The following CTNNA3 variants were observed in gnomAD, a reference collection of about 807,000 sequenced individuals.
CTNNA3 encodes catenin alpha 3.
A neutral mutation model predicts 95.7 loss-of-function variants in CTNNA3; 76 were observed. That is an observed-to-expected ratio of 0.79 (90% CI 0.66 to 0.96). CTNNA3 has a LOEUF of 0.96. Ranked by LOEUF, CTNNA3 falls within the 40% of genes least tolerant of loss-of-function variation. The probability of loss-of-function intolerance (pLI) is 0.00; values close to 1 mark genes in which losing one functional copy is unlikely to be tolerated. For synonymous variants in CTNNA3, 431 were observed against 374.4 expected (o/e 1.15, Z -1.74); for missense variants, 1,191 against 1,089.8 (o/e 1.09, Z -1.31).
At chr10:66,803,569 C>CTTACAAT (rs1841516976) in intron 7 of CTNNA3, among the ~76,000 whole-genome samples, 1 of 151,504 alleles carries the variant, frequency 6.6e-6, no homozygotes, top group African/African-American at 2.4e-5. Context: ...AGCTACAGAT[C>CTTACAAT]CTATAAAGCA....
At chr10:66,430,400 T>G (rs1219880466) in intron 11 of CTNNA3, among the ~76,000 whole-genome samples, 1 of 152,158 alleles carries the variant, frequency 6.6e-6, no homozygotes, top group Non-Finnish European at 1.5e-5. Flanking sequence ...TGGAAAAAGC[T>G]ACTTTAAAGT....
intron 5 of CTNNA3, among the ~76,000 whole-genome samples, chr10:67,483,776 TA>T (rs71468814): frequency 0.018 from 1,986 of 110,886 alleles, 32 homozygotes; most frequent in East Asian, 0.096. Flanking sequence ...AAATAAAAAT[TA>T]AAAAAAAAAA....
intron 9 of CTNNA3, among the ~76,000 whole-genome samples, chr10:66,699,469 A>C (rs1054444399): frequency 1.3e-4 from 19 of 151,072 alleles, no homozygotes; most frequent in African/African-American, 2.4e-5. Context: ...TTTGATTTGC[A>C]TTTCTCTCAT....
At chr10:66,012,078 T>C (rs2079015625) in intron 15 of CTNNA3, among the ~76,000 whole-genome samples, 1 of 152,222 alleles carries the variant, frequency 6.6e-6, no homozygotes, top group African/African-American at 2.4e-5. Context: ...CACCCACGTA[T>C]TTGTTTATTA....
chr10:67,065,949 AAT>A (rs1564866953), intron 7 of CTNNA3, among the ~76,000 whole-genome samples: 2 of 152,118 alleles, frequency 1.3e-5, no homozygotes, highest in African/African-American at 2.4e-5. Context: ...AAAAAAAAAA[AAT>A]ATGCCACCAA....
chr10:67,529,873 A>G (rs893374411), intron 4 of CTNNA3, among the ~76,000 whole-genome samples: 56 of 152,164 alleles, frequency 3.7e-4, no homozygotes, highest in Non-Finnish European at 6.2e-4. Flanking sequence ...CCCAAGTGTC[A>G]TGGGAGGAAC....
intron 7 of CTNNA3, among the ~76,000 whole-genome samples, chr10:67,153,409 G>GA (rs1461148992): frequency 6.6e-6 from 1 of 152,210 alleles, no homozygotes; most frequent in Non-Finnish European, 1.5e-5. Context: ...AGCCAGGATT[G>GA]AAAATCACAA....
At chr10:67,750,743 T>A (rs1589589122) in intron 1 of CTNNA3, 2 of 1,591,820 alleles carry the variant, frequency 1.3e-6, no homozygotes, top group Non-Finnish European at 1.7e-6. Flanking sequence ...GAGGGGCTGG[T>A]GAAAGCCCTT....
intron 4 of CTNNA3, among the ~76,000 whole-genome samples, chr10:67,531,766 T>C (rs530210403): frequency 3.9e-5 from 6 of 152,168 alleles, no homozygotes; most frequent in Non-Finnish European, 5.9e-5. Context: ...AGTTTGGCTG[T>C]GTCCCCACCC....
intron 7 of CTNNA3, among the ~76,000 whole-genome samples, chr10:66,816,314 A>G (rs1352110383): frequency 1.3e-5 from 2 of 152,112 alleles, no homozygotes; most frequent in Admixed American, 6.6e-5. Context: ...CAAATATCAA[A>G]TTGGTAGACG....
chr10:67,042,187 A>G (rs1854436063), intron 7 of CTNNA3, among the ~76,000 whole-genome samples: 1 of 152,156 alleles, frequency 6.6e-6, no homozygotes, highest in South Asian at 2.1e-4. Flanking sequence ...ACAAACCTGG[A>G]TGTTAGAGGG....
At chr10:66,734,109 A>G (rs980531248) in intron 9 of CTNNA3, among the ~76,000 whole-genome samples, 1 of 151,716 alleles carries the variant, frequency 6.6e-6, no homozygotes, top group Non-Finnish European at 1.5e-5. Flanking sequence ...ATAAATTTCC[A>G]TGGTATTTGT....
intron 17 of CTNNA3, among the ~76,000 whole-genome samples, chr10:65,956,034 G>A (rs2077722792): frequency 6.6e-6 from 1 of 152,004 alleles, no homozygotes; most frequent in Non-Finnish European, 1.5e-5. Context: ...TTTTTTGGTT[G>A]GTATGCTATT....
At chr10:66,218,793 A>C (rs894334454) in intron 13 of CTNNA3, among the ~76,000 whole-genome samples, 1 of 152,226 alleles carries the variant, frequency 6.6e-6, no homozygotes, top group Non-Finnish European at 1.5e-5. Context: ...ATAAACTCTA[A>C]AGATTTTGAG....
intron 5 of CTNNA3, among the ~76,000 whole-genome samples, chr10:67,510,994 G>A (rs139852188): frequency 0.025 from 3,782 of 152,212 alleles, 64 homozygotes; most frequent in Non-Finnish European, 0.036. Flanking sequence ...GTCTCTGTTT[G>A]TCTATTATTG....
At chr10:66,207,156 C>T (rs563648875) in intron 13 of CTNNA3, among the ~76,000 whole-genome samples, 144 of 149,540 alleles carry the variant, frequency 9.6e-4, no homozygotes, top group African/African-American at 3.4e-3. Context: ...TCTAATATAT[C>T]ATTTATTTAA....
intron 7 of CTNNA3, among the ~76,000 whole-genome samples, chr10:66,807,813 T>TA (rs1841715296): frequency 6.6e-6 from 1 of 152,152 alleles, no homozygotes; most frequent in Non-Finnish European, 1.5e-5. Context: ...CTTGAGTTTT[T>TA]ATATCATCTG....
At chr10:66,712,606 T>TCA (rs879288075) in intron 9 of CTNNA3, among the ~76,000 whole-genome samples, 1 of 149,264 alleles carries the variant, frequency 6.7e-6, no homozygotes, top group African/African-American at 2.6e-5. Context: ...TCTCTCTCTC[T>TCA]CTCACACACA....
chr10:67,369,833 C>T (rs923724623), intron 5 of CTNNA3, among the ~76,000 whole-genome samples: 20 of 152,100 alleles, frequency 1.3e-4, no homozygotes, highest in African/African-American at 4.6e-4. Flanking sequence ...CTTCAGCATG[C>T]AGGTATTCTC....
Sources: gnomAD v4.1 joint callset for allele counts (sites outside exome capture counted in the v4.1 genomes callset) on GRCh38, gnomAD v4.1.1 for gene constraint, MANE v1.5 for transcripts, NCBI Gene and HGNC (gene_info 2026-07-23, HGNC 2026-07-21) for gene names.